The following MRPS27 variants were observed in gnomAD, a reference collection of about 807,000 sequenced individuals.
MRPS27 encodes the protein mitochondrial ribosomal protein S27, also known as small ribosomal subunit protein mS27.
In MRPS27, 43 loss-of-function variants were observed where a neutral mutation model predicts 48.9. The ratio of observed to expected loss-of-function variants is 0.88; its 90% CI spans 0.69 to 1.13. The LOEUF (loss-of-function observed/expected upper bound fraction) is 1.13. MRPS27 is among the 50% of genes most tolerant of loss of function. The pLI, the probability that MRPS27 is intolerant of heterozygous loss-of-function variation, is 0.00. For missense variants in MRPS27, 467 were observed against 476.3 expected (o/e 0.98, Z 0.18); for synonymous variants, 188 against 171.9 (o/e 1.09, Z -0.73).
chr5:72,320,202 C>G lies in MRPS27; in HGVS notation c.20G>C (p.Arg7Pro), dbSNP rs375528800. ...TTGCCGCGCCAGGAGCATCCCGCGC[C>G]GCACTATGGAGGCAGCCATCTTGGA... is the stretch of plus-strand genomic sequence containing the variant. MAASIV[R>P]RGMLLARQVV... is the part of the protein sequence containing the mutation. The change falls in exon 1 of 11, where the codon CGG (arginine) becomes CCG (proline). Residue 7 changes from arginine to proline, a missense_variant. Coordinates refer to ENST00000261413, the MANE Select transcript of MRPS27 (RefSeq NM_015084.3). 1 of 1,613,906 alleles carries G rather than the reference C, an allele frequency of 6.2e-7. No homozygotes were observed. Among genetic ancestry groups the G allele is most frequent in the East Asian group, 2.2e-5 (1 of 44,860 alleles).
At chr5:72,245,551 A>G (rs1198718260) in intron 4 of MRPS27, among the ~76,000 whole-genome samples, 2 of 152,218 alleles carry the variant, frequency 1.3e-5, no homozygotes, top group Non-Finnish European at 2.9e-5. Context: ...ACTGGTTTTG[A>G]ATAATTCTGG....
intron 10 of MRPS27, among the ~76,000 whole-genome samples, chr5:72,222,032 G>A (rs1747758477): frequency 6.6e-6 from 1 of 152,228 alleles, no homozygotes; most frequent in African/African-American, 2.4e-5. Flanking sequence ...CCACTCATTG[G>A]CACAGGAAAG....
intron 2 of MRPS27, among the ~76,000 whole-genome samples, chr5:72,304,818 T>C (rs1032172170): frequency 6.6e-6 from 1 of 152,214 alleles, no homozygotes; most frequent in Admixed American, 6.5e-5. Flanking sequence ...TTTCAGTTTT[T>C]CTTTTCTACA....
intron 4 of MRPS27, among the ~76,000 whole-genome samples, chr5:72,267,300 G>C (rs1008060064): frequency 6.6e-6 from 1 of 152,050 alleles, no homozygotes; most frequent in Non-Finnish European, 1.5e-5. Flanking sequence ...ATCCTTATTT[G>C]CTCATTAAAT....
chr5:72,240,010 G>A (rs148136626), intron 4 of MRPS27, among the ~76,000 whole-genome samples: 1 of 152,136 alleles, frequency 6.6e-6, no homozygotes, highest in South Asian at 2.1e-4. Context: ...TGAAGTATCA[G>A]GTGTACTGCT....
At chr5:72,243,492 G>T (rs1479731906) in intron 4 of MRPS27, among the ~76,000 whole-genome samples, 1 of 152,098 alleles carries the variant, frequency 6.6e-6, no homozygotes, top group African/African-American at 2.4e-5. Context: ...CTTAAAAAAA[G>T]AGGGCAGGGT....
At chr5:72,233,979 T>C (rs1170516441) in intron 6 of MRPS27, 140 bp downstream of exon 6, 1 of 904,588 alleles carries the variant, frequency 1.1e-6, no homozygotes, top group Non-Finnish European at 1.5e-6. Flanking sequence ...GCATAAAAGA[T>C]AATCATCAAA....
At chr5:72,289,524 TG>T (rs1749764339) in intron 4 of MRPS27, among the ~76,000 whole-genome samples, 1 of 151,942 alleles carries the variant, frequency 6.6e-6, no homozygotes, top group Non-Finnish European at 1.5e-5. Context: ...CAAGCTCAGG[TG>T]ATCTTCCCAC....
chr5:72,283,869 G>C (rs1749594031), intron 4 of MRPS27, among the ~76,000 whole-genome samples: 1 of 151,974 alleles, frequency 6.6e-6, no homozygotes, highest in Admixed American at 6.6e-5. Context: ...CTTGTTTTCT[G>C]TCTCTACATT....
chr5:72,232,576 T>C lies in MRPS27; in HGVS notation c.476-18A>G. ...TAAAGCATCTAGCAGAAGATGAAAG[T>C]AAAAAAGAGAGGAAATTAGTTGTAG... On this transcript the variant is annotated intron_variant, in intron 6 of 10. Transcript: ENST00000261413. 3 of 1,546,118 alleles carry C rather than the reference T, an allele frequency of 1.9e-6. No homozygotes were observed. The highest frequency in any genetic ancestry group is 2.7e-6 in the Non-Finnish European group (3 of 1,123,076).
intron 4 of MRPS27, among the ~76,000 whole-genome samples, chr5:72,278,145 T>C (rs1749426987): frequency 6.6e-6 from 1 of 152,062 alleles, no homozygotes; most frequent in Non-Finnish European, 1.5e-5. Context: ...CCTATCTTCA[T>C]CAAATTTTAA....
chr5:72,271,378 T>A (rs904539262), intron 4 of MRPS27, among the ~76,000 whole-genome samples: 4 of 152,100 alleles, frequency 2.6e-5, no homozygotes, highest in Non-Finnish European at 4.4e-5. Flanking sequence ...AATAATAACA[T>A]CAATATAACA....
At chr5:72,228,834 C>T (rs1747970155) in intron 7 of MRPS27, 1 of 152,848 alleles carries the variant, frequency 6.5e-6, no homozygotes, top group Non-Finnish European at 1.5e-5. Context: ...AATGATAAGA[C>T]TCCTTCAGAG....
chr5:72,307,468 T>C (rs1750303863), intron 2 of MRPS27, among the ~76,000 whole-genome samples: 1 of 152,234 alleles, frequency 6.6e-6, no homozygotes, highest in African/African-American at 2.4e-5. Flanking sequence ...AAAAGCACCC[T>C]TGTCTTTTGG....
rs1373537414 is a variant in MRPS27 at position 72,228,359 on chromosome 5, C to A, written c.601G>T (p.Glu201Ter). 11 of 1,610,706 alleles carry A rather than the reference C, an allele frequency of 6.8e-6. No homozygotes were observed. The highest frequency in any genetic ancestry group is 5.0e-5 in the Admixed American group (3 of 59,788). ...AKKTDFSWEE[E>*]RNFGASLLLP... ...AAAAGGGATGCACCAAAGTTCCTCT[C>A]CTCTTCCCACTGCAACAGAATATAC... is the stretch of plus-strand genomic sequence containing the variant. Residue 201 changes from glutamate (E) to a stop codon, truncating the protein, a stop_gained, in exon 8 of 11, where the codon GAG becomes TAG. Coordinates refer to ENST00000261413, the MANE Select transcript of MRPS27 (RefSeq NM_015084.3). LOFTEE classifies it high-confidence loss of function.
chr5:72,262,731 A>G (rs1749016384), intron 4 of MRPS27, among the ~76,000 whole-genome samples: 1 of 152,010 alleles, frequency 6.6e-6, no homozygotes, highest in South Asian at 2.1e-4. Context: ...TCTTCCTGGA[A>G]CAAAGTGAGG....
At chr5:72,315,877 T>G (rs1261425972) in intron 1 of MRPS27, among the ~76,000 whole-genome samples, 2 of 152,162 alleles carry the variant, frequency 1.3e-5, no homozygotes, top group Non-Finnish European at 2.9e-5. Flanking sequence ...ACTCCTAGGT[T>G]TACAACCAAG....
At chr5:72,312,214 A>G (rs1324076179) in intron 2 of MRPS27, among the ~76,000 whole-genome samples, 1 of 152,218 alleles carries the variant, frequency 6.6e-6, no homozygotes, top group Non-Finnish European at 1.5e-5. Context: ...TTGTGACATA[A>G]TTATACCATC....
chr5:72,231,987 T>TAAACATGCAAA (rs752840497), intron 7 of MRPS27, among the ~76,000 whole-genome samples: 11 of 152,278 alleles, frequency 7.2e-5, no homozygotes, highest in Admixed American at 2.6e-4. Flanking sequence ...AAGCAATGAT[T>TAAACATGCAAA]AAACATGCGA....
Sources: allele counts gnomAD v4.1 joint callset (sites outside exome capture counted in the v4.1 genomes callset), GRCh38; gene constraint gnomAD v4.1.1; transcripts MANE v1.5; gene names NCBI Gene and HGNC (gene_info 2026-07-23, HGNC 2026-07-21).